NUCB1: variants seen among roughly 807,000 people sequenced by gnomAD.
NUCB1 encodes the protein nucleobindin 1.
Under a neutral mutation model 61.2 loss-of-function variants are expected in NUCB1, and 47 were observed. The ratio of observed to expected loss-of-function variants is 0.77; its 90% CI spans 0.61 to 0.98. NUCB1 has a LOEUF of 0.98. Among genes scored for constraint, NUCB1 ranks in the 50% least tolerant of loss-of-function variants. The pLI, the probability that NUCB1 is intolerant of heterozygous loss-of-function variation, is 0.00. For synonymous variants in NUCB1, 234 were observed against 243.1 expected, an observed-to-expected ratio of 0.96 and a Z score of 0.35; for missense variants, 583 against 605.3, an observed-to-expected ratio of 0.96 and a Z score of 0.39.
chr19:48,915,575 C>A (rs1352489494), intron 7 of NUCB1, among the ~76,000 whole-genome samples: 1 of 152,028 alleles, frequency 6.6e-6, no homozygotes, highest in Non-Finnish European at 1.5e-5. Flanking sequence ...CGTGTACTAC[C>A]TCGCAGCCTT....
rs1341041842 is a variant in NUCB1, at chr19:48,900,870, T to C, written c.74T>C (p.Leu25Pro). The C allele has an allele frequency of 5.6e-6, 9 of 1,613,840 alleles. No homozygotes were observed. Among genetic ancestry groups the C allele is most frequent in the Admixed American group, 5.0e-5 (3 of 60,006 alleles). The change falls in exon 2 of 13, where the codon CTG (leucine) becomes CCG (proline). Residue 25 changes from leucine to proline, a missense_variant. Physicochemically the swap from Leu to Pro is moderately conservative, Grantham distance 98. Coordinates refer to ENST00000405315, the MANE Select transcript of NUCB1 (RefSeq NM_006184.6). ...CTGCTGCTCCTGCTTCGCGCCGTGC[T>C]GGCTGTCCCCCTGGAGCGAGGGGCG... is the stretch of plus-strand genomic sequence containing the variant. Reference protein sequence around the residue: ...LLLLLLLRAVLAVPLERGAPN... With the variant: ...LLLLLLLRAVPAVPLERGAPN...
At chr19:48,901,083 G>T in intron 2 of NUCB1, 152 bp downstream of exon 2, 3 of 898,846 alleles carry the variant, frequency 3.3e-6, no homozygotes, top group Admixed American at 2.1e-5. Flanking sequence ...AGCAGCAGGG[G>T]TTTGACTTGG....
rs2037620468 is a variant in NUCB1 at position 48,922,337 on chromosome 19, T to G, written c.1299T>G (p.Ala433=). 1 of 1,613,712 alleles carries G rather than the reference T, an allele frequency of 6.2e-7. No homozygotes were observed. The highest frequency in any genetic ancestry group is 2.2e-5 in the East Asian group (1 of 44,880). Residue 433 remains alanine (A), a synonymous_variant, in exon 13 of 13, where the codon GCT becomes GCG. Transcript: ENST00000405315. ...HPDTDDVPVP[A]PAGDQKEVDT... ...TTCCAGACGATGTACCTGTCCCAGC[T>G]CCAGCCGGTGACCAGAAGGAGGTGG...
chr19:48,904,517 G>T, intron 3 of NUCB1, 63 bp downstream of exon 3: 1 of 977,536 alleles, frequency 1.0e-6, no homozygotes, highest in Non-Finnish European at 1.5e-6. Context: ...GTTCAGGGGA[G>T]GACTGGTTTC....
intron 2 of NUCB1, among the ~76,000 whole-genome samples, chr19:48,903,962 G>GTGGA (rs1284608318): frequency 7.3e-6 from 1 of 136,266 alleles, no homozygotes; most frequent in Non-Finnish European, 1.6e-5. Flanking sequence ...GGATGGATGG[G>GTGGA]TGGATGGATG....
intron 4 of NUCB1, among the ~76,000 whole-genome samples, chr19:48,906,921 G>A (rs537408067): frequency 1.7e-4 from 26 of 151,908 alleles, no homozygotes; most frequent in South Asian, 1.0e-3. Context: ...TAAGTACAGC[G>A]ATAAAATCGG....
In NUCB1 at chr19:48,913,519, C is replaced by T. The variant is rs776991278; in HGVS notation, c.712C>T (p.Leu238=). 2.5e-6 allele frequency: 4 copies of T among 1,614,186 alleles called. No individual in the cohort carries two copies. In the Admixed American group the frequency reaches 5.0e-5, roughly 20 times the overall value. The change falls in exon 7 of 13, where the codon CTG becomes TTG. Residue 238 remains leucine (L), a synonymous_variant. Transcript: ENST00000405315. ...LKEVWEELDG[L]DPNRFNPKTF... The stretch of plus-strand genomic sequence containing the variant: ...GGAGGTGTGGGAGGAGCTGGATGGA[C>T]TGGACCCCAACAGGTTTAACCCCAA...
intron 7 of NUCB1, among the ~76,000 whole-genome samples, chr19:48,914,794 A>G (rs2122194216): frequency 6.6e-6 from 1 of 151,834 alleles, no homozygotes; most frequent in Non-Finnish European, 1.5e-5. Context: ...TAAAAAAAAA[A>G]AATAGACCAG....
intron 11 of NUCB1, 54 bp downstream of exon 11, chr19:48,921,378 G>T (rs142771381): frequency 2.0e-5 from 31 of 1,537,768 alleles, no homozygotes; most frequent in Non-Finnish European, 2.7e-5. Flanking sequence ...GCCCGTGTCC[G>T]TGTCCCCATG....
At chr19:48,919,594 C>T (rs1007256889) in intron 10 of NUCB1, among the ~76,000 whole-genome samples, 7 of 151,730 alleles carry the variant, frequency 4.6e-5, no homozygotes, top group Admixed American at 4.0e-4. Flanking sequence ...TCTCCTGGCT[C>T]ATCCTCTTGA....
chr19:48,901,426 G>T (rs1171645768), intron 2 of NUCB1, among the ~76,000 whole-genome samples: 1 of 152,200 alleles, frequency 6.6e-6, no homozygotes, highest in East Asian at 1.9e-4. Flanking sequence ...CTGAAGGTCA[G>T]TGAGTGTCTT....
chr19:48,902,547 C>T (rs140788324), intron 2 of NUCB1, among the ~76,000 whole-genome samples: 1 of 151,770 alleles, frequency 6.6e-6, no homozygotes, highest in East Asian at 1.9e-4. Flanking sequence ...GCTGGGACTG[C>T]AGGCATGTGC....
intron 2 of NUCB1, among the ~76,000 whole-genome samples, chr19:48,901,539 G>A (rs555717909): frequency 1.3e-5 from 2 of 152,134 alleles, no homozygotes; most frequent in African/African-American, 2.4e-5. Context: ...CGAGACAGGC[G>A]GATCACTTGA....
intron 8 of NUCB1, 98 bp downstream of exon 8, chr19:48,918,882 G>A: frequency 5.2e-6 from 7 of 1,353,098 alleles, no homozygotes; most frequent in Non-Finnish European, 7.3e-6. Flanking sequence ...TGGGAGCTCA[G>A]TGAAAACTAC....
intron 4 of NUCB1, among the ~76,000 whole-genome samples, chr19:48,907,660 G>A (rs1568584477): frequency 6.6e-6 from 1 of 152,168 alleles, no homozygotes; most frequent in Non-Finnish European, 1.5e-5. Context: ...CGGGGATCAG[G>A]ATGTGGATAT....
chr19:48,905,978 G>A, intron 4 of NUCB1, 93 bp downstream of exon 4: 1 of 1,295,426 alleles, frequency 7.7e-7, no homozygotes, highest in Non-Finnish European at 1.1e-6. Flanking sequence ...CTAGGCAGGT[G>A]AGGCCTCCCT....
intron 4 of NUCB1, among the ~76,000 whole-genome samples, chr19:48,910,299 A>G (rs2037457576): frequency 6.6e-6 from 1 of 151,118 alleles, no homozygotes; most frequent in African/African-American, 2.4e-5. Context: ...GATGGTCTCA[A>G]TCTCTTGATC....
intron 7 of NUCB1, among the ~76,000 whole-genome samples, chr19:48,915,091 G>GA (rs920052450): frequency 1.3e-5 from 2 of 151,742 alleles, no homozygotes; most frequent in African/African-American, 4.8e-5. Flanking sequence ...AAAAAACAAA[G>GA]AAAAAAATAA....
rs766090085 is a variant in NUCB1 at position 48,921,913 on chromosome 19, C to G, written c.1260C>G (p.Leu420=). 2.5e-6 allele frequency: 4 copies of G among 1,605,186 alleles called. No individual in the cohort carries two copies. Among genetic ancestry groups the G allele is most frequent in the South Asian group, 2.2e-5 (2 of 90,196 alleles). ...CGGCTGCCCACCCTGAGGGGCAGCT[C>G]AAGTTCCACCCAGACACAGGTGCTG... The part of the protein sequence containing the change: ...KAPAAHPEGQ[L]KFHPDTDDVP... Residue 420 remains leucine, a synonymous_variant, in exon 12 of 13, where the codon CTC becomes CTG. Transcript: ENST00000405315.
Sources: gnomAD v4.1 joint callset for allele counts (sites outside exome capture counted in the v4.1 genomes callset) on GRCh38, gnomAD v4.1.1 for gene constraint, MANE v1.5 for transcripts, NCBI Gene and HGNC (gene_info 2026-07-23, HGNC 2026-07-21) for gene names.